The following CRISPLD2 variants were observed in gnomAD, a reference collection of about 807,000 sequenced individuals.
CRISPLD2 encodes cysteine-rich secretory protein LCCL domain-containing 2.
CRISPLD2 carries 47 observed loss-of-function variants against 71.1 expected under a neutral mutation model. The observed-to-expected ratio is 0.66, with a 90% CI of 0.52 to 0.84. The LOEUF is 0.84. Among genes scored for constraint, CRISPLD2 ranks in the 40% least tolerant of loss-of-function variants. CRISPLD2 has a pLI of 0.00. For missense variants in CRISPLD2, 830 were observed against 651.1 expected, an observed-to-expected ratio of 1.27 and a Z score of -2.99; for synonymous variants, 317 against 250.1, an observed-to-expected ratio of 1.27 and a Z score of -2.52.
At chr16:84,849,099 C>T in intron 3 of CRISPLD2, 1 of 347,836 alleles carries the variant, frequency 2.9e-6, no homozygotes, top group Non-Finnish European at 5.5e-6. Context: ...AGGTGAGCTC[C>T]TCAAGGATAA....
intron 3 of CRISPLD2, among the ~76,000 whole-genome samples, chr16:84,847,094 T>C (rs1916935168): frequency 6.6e-6 from 1 of 152,368 alleles, no homozygotes; most frequent in African/African-American, 2.4e-5. Flanking sequence ...GGACCTGGAT[T>C]GACATCCATT....
rs2071831705 is a variant in CRISPLD2 at position 84,909,257 on chromosome 16, G to A, written c.*2615G>A. The A allele has an allele frequency of 6.6e-6, 1 of 152,582 alleles. No individual in the cohort carries two copies. The highest frequency in any genetic ancestry group is 1.5e-5 in the Non-Finnish European group (1 of 68,026). 9.5% of individuals were successfully genotyped at this position (152,582 alleles called of 1,614,324 possible). On this transcript the variant is annotated 3_prime_UTR_variant, in exon 15 of 15. Coordinates refer to ENST00000262424, the MANE Select transcript of CRISPLD2 (RefSeq NM_031476.4). Reference sequence around the variant, plus strand: ...TGCCCTACCGTATTCCAAAGCGTGTGCTGGTTTCTCATATTGTCTGTAGGC... The same window carrying A: ...TGCCCTACCGTATTCCAAAGCGTGTACTGGTTTCTCATATTGTCTGTAGGC...
intron 2 of CRISPLD2, among the ~76,000 whole-genome samples, chr16:84,840,575 C>T (rs11648947): frequency 0.042 from 6,351 of 152,240 alleles, 375 homozygotes; most frequent in Admixed American, 0.17. Context: ...GGTGCCATCT[C>T]GGCTCACTGC....
intron 12 of CRISPLD2, among the ~76,000 whole-genome samples, chr16:84,879,692 C>CA (rs1567699218): frequency 4.0e-5 from 6 of 151,776 alleles, no homozygotes; most frequent in Admixed American, 3.3e-4. Context: ...CACACACACA[C>CA]CCTTTCTCTC....
intron 6 of CRISPLD2, among the ~76,000 whole-genome samples, chr16:84,863,843 C>T (rs987293821): frequency 2.0e-5 from 3 of 151,750 alleles, no homozygotes; most frequent in African/African-American, 7.3e-5. Context: ...TGGCGCATGC[C>T]TGTAATCCCA....
At chr16:84,844,379 G>A (rs150155433) in intron 2 of CRISPLD2, among the ~76,000 whole-genome samples, 1 of 152,336 alleles carries the variant, frequency 6.6e-6, no homozygotes, top group African/African-American at 2.4e-5. Context: ...ATTGACCATT[G>A]TAACCATTTT....
chr16:84,888,999 C>T (rs1445515726), intron 13 of CRISPLD2, among the ~76,000 whole-genome samples: 1 of 152,230 alleles, frequency 6.6e-6, no homozygotes, highest in African/African-American at 2.4e-5. Flanking sequence ...CCGTGCCTGG[C>T]ATATAATAGG....
chr16:84,903,754 A>G (rs866758480), intron 14 of CRISPLD2, among the ~76,000 whole-genome samples: 29 of 152,352 alleles, frequency 1.9e-4, no homozygotes, highest in African/African-American at 6.5e-4. Flanking sequence ...TATTCCCAAA[A>G]GCAGTGTTCA....
rs1418776465 is a variant in CRISPLD2 at position 84,906,741 on chromosome 16, A to G, written c.*99A>G. On this transcript the variant is annotated 3_prime_UTR_variant, in exon 15 of 15. Coordinates refer to ENST00000262424, the MANE Select transcript of CRISPLD2 (RefSeq NM_031476.4). ...TGCGGGGTATATGGAGAGTCAGGAA[A>G]CTTCCTTTGACTGATGTTCAGTGTC... 2 of 1,297,474 alleles carry G rather than the reference A, an allele frequency of 1.5e-6. No individual in the cohort carries two copies. Among genetic ancestry groups the G allele is most frequent in the East Asian group, 4.6e-5 (2 of 43,096 alleles). The allele number at this position is 1,297,474 out of a possible 1,614,324, so 80.4% of individuals were successfully genotyped here.
At chr16:84,900,656 G>A (rs1035648723) in intron 14 of CRISPLD2, among the ~76,000 whole-genome samples, 5 of 152,094 alleles carry the variant, frequency 3.3e-5, no homozygotes, top group Admixed American at 1.3e-4. Context: ...GCAAATGCAC[G>A]TCCTTTGGTC....
At chr16:84,863,682 G>A (rs937957977) in intron 6 of CRISPLD2, among the ~76,000 whole-genome samples, 11 of 152,138 alleles carry the variant, frequency 7.2e-5, no homozygotes, top group Non-Finnish European at 1.0e-4. Context: ...AGAAAATGCT[G>A]GGGATGGCCG....
At chr16:84,906,252 G>A (rs2071801460) in intron 14 of CRISPLD2, among the ~76,000 whole-genome samples, 1 of 152,006 alleles carries the variant, frequency 6.6e-6, no homozygotes, top group South Asian at 2.1e-4. Flanking sequence ...CCACTGTTCG[G>A]GTTGACAGGT....
chr16:84,865,695 G>C (rs777291298), intron 6 of CRISPLD2, among the ~76,000 whole-genome samples: 6 of 152,216 alleles, frequency 3.9e-5, no homozygotes, highest in South Asian at 4.1e-4. Context: ...TGATCAGGCC[G>C]CTCAGGCAAA....
chr16:84,870,560 G>A (rs918028943), intron 8 of CRISPLD2, among the ~76,000 whole-genome samples: 2 of 152,164 alleles, frequency 1.3e-5, no homozygotes, highest in Non-Finnish European at 2.9e-5. Flanking sequence ...CAAGTGATCT[G>A]CCCGCCTTGG....
intron 2 of CRISPLD2, among the ~76,000 whole-genome samples, chr16:84,841,569 T>G (rs553857795): frequency 2.0e-5 from 3 of 151,844 alleles, no homozygotes; most frequent in Non-Finnish European, 4.4e-5. Context: ...AGGGTTTTTT[T>G]GCGGGAGAGG....
intron 1 of CRISPLD2, among the ~76,000 whole-genome samples, chr16:84,835,258 T>G (rs959908856): frequency 3.9e-5 from 6 of 151,990 alleles, no homozygotes; most frequent in Non-Finnish European, 7.4e-5. Flanking sequence ...GCCCAACTGA[T>G]TTTGTATTTT....
Position 84,834,454 on chromosome 16 carries a change from T to C in CRISPLD2, c.-74-3968T>C, listed in dbSNP as rs377315610. Among the ~76,000 whole-genome samples the C allele has an allele frequency of 3.9e-5, 6 of 152,378 alleles. No individual in the cohort carries two copies. In the East Asian group the frequency reaches 1.2e-3, roughly 29 times the overall value. On this transcript the variant is annotated intron_variant, in intron 1 of 14. Coordinates refer to ENST00000262424, the MANE Select transcript of CRISPLD2 (RefSeq NM_031476.4). ...AGTGTGGGCCAGGGCTGCCGGGCAC[T>C]GCCCCTGTGAACTGGGCCTCGGCCA... is the stretch of plus-strand genomic sequence containing the variant.
At chr16:84,875,254 CAT>C (rs890854668) in intron 11 of CRISPLD2, among the ~76,000 whole-genome samples, 9 of 121,344 alleles carry the variant, frequency 7.4e-5, no homozygotes, top group Non-Finnish European at 1.0e-4. Context: ...AAAATATATA[CAT>C]ATGTGTGTGT....
intron 14 of CRISPLD2, among the ~76,000 whole-genome samples, chr16:84,901,771 C>A (rs1437081089): frequency 1.4e-5 from 2 of 146,280 alleles, no homozygotes; most frequent in South Asian, 4.3e-4. Flanking sequence ...AGCCACTGCA[C>A]CTGGCACTGG....
Sources: allele counts gnomAD v4.1 joint callset (sites outside exome capture counted in the v4.1 genomes callset), GRCh38; gene constraint gnomAD v4.1.1; transcripts MANE v1.5; gene names NCBI Gene and HGNC (gene_info 2026-07-23, HGNC 2026-07-21).